KCNH7: variants seen among roughly 807,000 people sequenced by gnomAD.
KCNH7 encodes potassium voltage-gated channel subfamily H member 7.
In KCNH7, 49 loss-of-function variants were observed where a neutral mutation model predicts 120.8. The ratio of observed to expected loss-of-function variants is 0.41; its 90% CI spans 0.32 to 0.51. The LOEUF (loss-of-function observed/expected upper bound fraction) is 0.51, where lower values mean the gene tolerates loss of function less well. KCNH7 is among the 20% of genes least tolerant of loss of function. The probability of loss-of-function intolerance (pLI) is 0.38; values close to 1 mark genes in which losing one functional copy is unlikely to be tolerated. For synonymous variants in KCNH7, 547 were observed against 516.1 expected (o/e 1.06, Z -0.81); for missense variants, 1,097 against 1,446.6 (o/e 0.76, Z 3.92).
chr2:162,838,090 C>T lies in KCNH7; in HGVS notation c.76+353G>A, dbSNP rs11889837. ...CGAATAGTATGGTCTGCTCTGCTTC[C>T]GACTTTCAGAAAGTCTACAGTAAAA... On this transcript the variant is annotated intron_variant, in intron 1 of 15. Coordinates refer to ENST00000332142, the MANE Select transcript of KCNH7 (RefSeq NM_033272.4). Among the ~76,000 whole-genome samples the T allele has an allele frequency of 2.9e-3, 445 of 152,226 alleles. 3 individuals carry two copies. Among genetic ancestry groups the T allele is most frequent in the African/African-American group, 9.6e-3 (400 of 41,544 alleles).
intron 2 of KCNH7, among the ~76,000 whole-genome samples, chr2:162,752,163 T>G (rs576266104): frequency 6.6e-6 from 1 of 152,180 alleles, no homozygotes; most frequent in Admixed American, 6.5e-5. Context: ...ATCTAAATAC[T>G]TTTTCTATGT....
chr2:162,721,142 T>C (rs1024490488), intron 2 of KCNH7, among the ~76,000 whole-genome samples: 6 of 152,094 alleles, frequency 3.9e-5, no homozygotes, highest in Non-Finnish European at 1.5e-5. Flanking sequence ...ATTCAGAAAA[T>C]AGTTGCAAAT....
chr2:162,763,194 T>C (rs557436147), intron 2 of KCNH7, among the ~76,000 whole-genome samples: 122 of 152,270 alleles, frequency 8.0e-4, no homozygotes, highest in African/African-American at 2.9e-3. Context: ...AATGAATGTA[T>C]GCTCCTTTAA....
rs1343940431 is a variant in KCNH7 at position 162,529,697 on chromosome 2, A to G, written c.463+7228T>C. On this transcript the variant is annotated intron_variant, in intron 3 of 15. Transcript: ENST00000332142. ...TTTTCACATATATTCTACATCATCA[A>G]GTATTACAGCTGAAAAGAAGAGAAC... Among the ~76,000 whole-genome samples, 8 of 152,040 alleles carry G rather than the reference A, an allele frequency of 5.3e-5. 1 individual carries two copies. The highest frequency in any genetic ancestry group is 3.3e-4 in the Admixed American group (5 of 15,264).
At chr2:162,592,549 G>A (rs1046099544) in intron 2 of KCNH7, among the ~76,000 whole-genome samples, 1 of 152,004 alleles carries the variant, frequency 6.6e-6, no homozygotes, top group South Asian at 2.1e-4. Flanking sequence ...GCATGAACAG[G>A]TGTCAGGACT....
intron 2 of KCNH7, among the ~76,000 whole-genome samples, chr2:162,662,588 A>G (rs1685001000): frequency 6.6e-6 from 1 of 152,184 alleles, no homozygotes; most frequent in South Asian, 2.1e-4. Context: ...CTGCTATTTC[A>G]GAGTCTTTGC....
At chr2:162,473,649 C>T (rs1223368061) in intron 6 of KCNH7, among the ~76,000 whole-genome samples, 4 of 152,116 alleles carry the variant, frequency 2.6e-5, no homozygotes, top group Non-Finnish European at 4.4e-5. Flanking sequence ...TTATTATATG[C>T]CAGGCACTGG....
intron 2 of KCNH7, among the ~76,000 whole-genome samples, chr2:162,675,723 T>C (rs1685511421): frequency 6.6e-6 from 1 of 151,510 alleles, no homozygotes; most frequent in African/African-American, 2.4e-5. Context: ...ATGAGAATTA[T>C]TATAAACACA....
At chr2:162,758,043 C>T (rs1187218182) in intron 2 of KCNH7, among the ~76,000 whole-genome samples, 3 of 152,142 alleles carry the variant, frequency 2.0e-5, no homozygotes, top group South Asian at 2.1e-4. Flanking sequence ...TGGTCTAACA[C>T]TGGTTACCGG....
intron 10 of KCNH7, among the ~76,000 whole-genome samples, chr2:162,398,692 A>G (rs1686987028): frequency 6.6e-6 from 1 of 151,910 alleles, no homozygotes; most frequent in Admixed American, 6.6e-5. Flanking sequence ...ACTACTTGAT[A>G]AAGCAAGAAA....
At chr2:162,648,809 G>A (rs1222153259) in intron 2 of KCNH7, among the ~76,000 whole-genome samples, 1 of 151,996 alleles carries the variant, frequency 6.6e-6, no homozygotes, top group African/African-American at 2.4e-5. Context: ...TTTAAGATCA[G>A]TTCAAATGCT....
intron 8 of KCNH7, among the ~76,000 whole-genome samples, chr2:162,427,450 C>T (rs1687903957): frequency 6.6e-6 from 1 of 151,918 alleles, no homozygotes; most frequent in Non-Finnish European, 1.5e-5. Flanking sequence ...TGTGCATTTT[C>T]CTGATGATTA....
At chr2:162,795,013 T>C (rs1362260474) in intron 2 of KCNH7, among the ~76,000 whole-genome samples, 1 of 152,046 alleles carries the variant, frequency 6.6e-6, no homozygotes, top group South Asian at 2.1e-4. Context: ...GTCTTAACTA[T>C]TTGACCAGTT....
chr2:162,608,078 A>G (rs938955976), intron 2 of KCNH7, among the ~76,000 whole-genome samples: 1 of 152,198 alleles, frequency 6.6e-6, no homozygotes, highest in Non-Finnish European at 1.5e-5. Context: ...CAAATGTAGT[A>G]GTTGCGGGTG....
At chr2:162,653,977 CAT>C (rs1684654833) in intron 2 of KCNH7, among the ~76,000 whole-genome samples, 1 of 151,964 alleles carries the variant, frequency 6.6e-6, no homozygotes, top group Admixed American at 6.6e-5. Context: ...AAATCAACAC[CAT>C]ATACAAAAAC....
At chr2:162,602,425 C>T (rs1046092595) in intron 2 of KCNH7, among the ~76,000 whole-genome samples, 2 of 152,118 alleles carry the variant, frequency 1.3e-5, no homozygotes, top group Non-Finnish European at 2.9e-5. Flanking sequence ...CCACAGCCTA[C>T]AAAACCTTAA....
chr2:162,603,942 A>G (rs1395707666), intron 2 of KCNH7, among the ~76,000 whole-genome samples: 1 of 152,156 alleles, frequency 6.6e-6, no homozygotes, highest in East Asian at 1.9e-4. Flanking sequence ...TTGTGTTTAA[A>G]TATACACCTT....
chr2:162,510,870 C>G (rs2105768630), intron 5 of KCNH7, among the ~76,000 whole-genome samples: 1 of 151,734 alleles, frequency 6.6e-6, no homozygotes, highest in East Asian at 2.0e-4. Context: ...AAAACCAGAG[C>G]TTGAAAAACG....
At chr2:162,740,493 G>C (rs1287787898) in intron 2 of KCNH7, among the ~76,000 whole-genome samples, 1 of 152,176 alleles carries the variant, frequency 6.6e-6, no homozygotes, top group African/African-American at 2.4e-5. Flanking sequence ...TCAAAGACTG[G>C]AGGGAAGTGA....
Sources: allele counts gnomAD v4.1 joint callset (sites outside exome capture counted in the v4.1 genomes callset), GRCh38; gene constraint gnomAD v4.1.1; transcripts MANE v1.5; gene names NCBI Gene and HGNC (gene_info 2026-07-23, HGNC 2026-07-21).